The following CERS5 variants were observed in gnomAD, a reference collection of about 807,000 sequenced individuals.
CERS5 encodes LAG1 homolog, ceramide synthase 5.
A neutral mutation model predicts 58.9 loss-of-function variants in CERS5; 37 were observed. The ratio of observed to expected loss-of-function variants is 0.63; its 90% confidence interval spans 0.48 to 0.83. The LOEUF (loss-of-function observed/expected upper bound fraction) is 0.83, where lower values mean the gene tolerates loss of function less well. Among genes scored for constraint, CERS5 ranks in the 40% least tolerant of loss-of-function variants. The pLI is 0.00. For synonymous variants in CERS5, 147 were observed against 177.8 expected, an observed-to-expected ratio of 0.83 and a Z score of 1.38; for missense variants, 398 against 489.3, an observed-to-expected ratio of 0.81 and a Z score of 1.76.
chr12:50,144,279 G>A, intron 1 of CERS5: 1 of 462,224 alleles, frequency 2.2e-6, no homozygotes, highest in Admixed American at 3.3e-5. Flanking sequence ...AAAATGCTGG[G>A]ATTACAGGCG....
chr12:50,132,105 TA>T (rs35268757), intron 9 of CERS5, among the ~76,000 whole-genome samples: 52,040 of 137,608 alleles, frequency 0.38, 9,258 homozygotes, highest in African/African-American at 0.43. Flanking sequence ...ACCTTGTCTC[TA>T]AAAAAAAAAA....
intron 2 of CERS5, 68 bp downstream of exon 2, chr12:50,143,884 C>T: frequency 1.0e-6 from 1 of 956,952 alleles, no homozygotes; most frequent in Non-Finnish European, 1.7e-6. Flanking sequence ...TACGTGCTCT[C>T]TATCCTCCCC....
intron 1 of CERS5, among the ~76,000 whole-genome samples, chr12:50,160,607 C>A (rs150222691): frequency 4.6e-5 from 7 of 152,254 alleles, no homozygotes; most frequent in East Asian, 3.9e-4. Flanking sequence ...TATTATAGTA[C>A]CGTATTTAAA....
At chr12:50,164,904 A>C (rs1939697972) in intron 1 of CERS5, 1 of 152,212 alleles carries the variant, frequency 6.6e-6, no homozygotes, top group South Asian at 2.1e-4. Flanking sequence ...TATTTATATG[A>C]AAAGCAGAGA....
chr12:50,138,422 C>T, intron 5 of CERS5, 145 bp downstream of exon 5: 1 of 702,596 alleles, frequency 1.4e-6, no homozygotes, highest in Admixed American at 2.1e-5. Flanking sequence ...AAATAGATAC[C>T]CTGAATATGA....
chr12:50,167,055 C>A (rs368918436), intron 1 of CERS5, 46 bp downstream of exon 1: 1 of 1,426,002 alleles, frequency 7.0e-7, no homozygotes. Flanking sequence ...GCGGGGCGCC[C>A]CCGGCCCGCG....
At position 50,142,080 on chromosome 12, in the gene CERS5, G is replaced by A; in HGVS notation, c.465C>T (p.Phe155=). 1 of 1,605,776 alleles carries A rather than the reference G, an allele frequency of 6.2e-7. No homozygotes were observed. ...ACCAGAGAAATCTAATTCCATAGCAGAATATACATAAATAAAATGTGAATC... is the reference window on the plus strand; with the variant it reads ...ACCAGAGAAATCTAATTCCATAGCAAAATATACATAAATAAAATGTGAATC... ...MWRFTFYLCI[F]CYGIRFLWSS... The change falls in exon 4 of 10, where the codon TTC becomes TTT. Residue 155 remains phenylalanine (F), a synonymous_variant. Coordinates refer to ENST00000317551, the MANE Select transcript of CERS5 (RefSeq NM_147190.5).
At chr12:50,134,248 G>A (rs1951504047) in intron 9 of CERS5, among the ~76,000 whole-genome samples, 1 of 147,506 alleles carries the variant, frequency 6.8e-6, no homozygotes, top group Non-Finnish European at 1.5e-5. Context: ...GCGTGGTGGT[G>A]CACACCTATA....
chr12:50,138,870 C>A (rs1951826606), intron 4 of CERS5, among the ~76,000 whole-genome samples: 1 of 152,174 alleles, frequency 6.6e-6, no homozygotes, highest in South Asian at 2.1e-4. Flanking sequence ...GGAAATATCA[C>A]TACCTGGAAT....
rs757424188 is a variant in CERS5 at position 50,135,827 on chromosome 12, C to G, written c.777G>C (p.Leu259=). The change falls in exon 8 of 10, where the codon CTG becomes CTC. Residue 259 remains leucine (L), a synonymous_variant. Coordinates refer to ENST00000317551, the MANE Select transcript of CERS5 (RefSeq NM_147190.5). The part of the protein sequence containing the change: ...VSDFLLEAAK[L]ANYAKYQRLC... Reference sequence around the variant, plus strand: ...GCCGCTGATACTTGGCATAATTGGCCAGTTTGGCTGCCTGGAGAAAGGAAG... The same window carrying G: ...GCCGCTGATACTTGGCATAATTGGCGAGTTTGGCTGCCTGGAGAAAGGAAG... 6.2e-7 allele frequency: 1 copy of G among 1,613,712 alleles called. No homozygotes were observed. The highest frequency in any genetic ancestry group is 8.5e-7 in the Non-Finnish European group (1 of 1,179,884).
intron 6 of CERS5, among the ~76,000 whole-genome samples, chr12:50,137,365 G>GT (rs1212143658): frequency 6.6e-6 from 1 of 152,122 alleles, no homozygotes; most frequent in Non-Finnish European, 1.5e-5. Flanking sequence ...CTAATGCCAT[G>GT]TGAAAGCCAT....
rs2138029614 is a variant in CERS5 at position 50,135,714 on chromosome 12, T to C, written c.872+18A>G. On this transcript the variant is annotated intron_variant, in intron 8 of 9. Transcript: ENST00000317551. Reference sequence around the variant, plus strand: ...ATTAGGCTCATACCTACCACAACTCTACAGCCCTACCACTTACCAGAATGG... The same window carrying C: ...ATTAGGCTCATACCTACCACAACTCCACAGCCCTACCACTTACCAGAATGG... 2.6e-6 allele frequency: 4 copies of C among 1,551,358 alleles called. No homozygotes were observed. In the East Asian group the frequency reaches 9.0e-5, roughly 35 times the overall value.
intron 1 of CERS5, chr12:50,145,204 GA>G (rs1952203124): frequency 6.7e-6 from 1 of 149,892 alleles, no homozygotes; most frequent in Non-Finnish European, 1.5e-5. Flanking sequence ...TGATTTCTAA[GA>G]TTTTTTTGTA....
intron 3 of CERS5, 39 bp downstream of exon 3, chr12:50,143,035 C>T (rs373305424): frequency 8.4e-6 from 13 of 1,556,280 alleles, no homozygotes; most frequent in East Asian, 4.6e-5. Flanking sequence ...TGTATCCCAC[C>T]GTCTTCCTTA....
chr12:50,144,085 TTCTTTTTAAAAAAATTTTA>T (rs2138103527), intron 1 of CERS5, 28 bp from the exon 2 acceptor site: 2 of 1,352,146 alleles, frequency 1.5e-6, no homozygotes, highest in East Asian at 4.6e-5. Flanking sequence ...CACGGGCCAA[TTCTTTTTAAAAAAATTTTA>T]TTTATAGTTG....
At chr12:50,165,424 A>G (rs933530365) in intron 1 of CERS5, 1 of 95,564 alleles carries the variant, frequency 1.0e-5, no homozygotes, top group African/African-American at 3.4e-5. Context: ...GTCTCAAAAA[A>G]AAAAGAAAAA....
chr12:50,139,560 G>A (rs1284286440), intron 4 of CERS5, among the ~76,000 whole-genome samples: 2 of 152,076 alleles, frequency 1.3e-5, no homozygotes, highest in Non-Finnish European at 2.9e-5. Context: ...TTGGGAGGTC[G>A]AGGTGGGAGG....
At chr12:50,135,554 A>G (rs749135745) in intron 8 of CERS5, 178 bp downstream of exon 8, 28 of 713,590 alleles carry the variant, frequency 3.9e-5, no homozygotes, top group African/African-American at 6.9e-5. Context: ...CAGAGGTCCT[A>G]TGAGAGTCCA....
chr12:50,155,615 T>C (rs375888378), intron 1 of CERS5, among the ~76,000 whole-genome samples: 1 of 151,326 alleles, frequency 6.6e-6, no homozygotes, highest in African/African-American at 2.4e-5. Context: ...CAGGCGCCTG[T>C]AGTCACAGCT....
Sources: allele counts gnomAD v4.1 joint callset (sites outside exome capture counted in the v4.1 genomes callset), GRCh38; gene constraint gnomAD v4.1.1; transcripts MANE v1.5; gene names NCBI Gene and HGNC (gene_info 2026-07-23, HGNC 2026-07-21).